WDR26: variants seen among roughly 807,000 people sequenced by gnomAD.
WDR26 encodes the protein WD repeat domain 26.
WDR26 carries 5 observed loss-of-function variants against 84.1 expected under a neutral mutation model. That is an observed-to-expected ratio of 0.06 (90% CI 0.03 to 0.13). The LOEUF (loss-of-function observed/expected upper bound fraction) is 0.13, where lower values mean the gene tolerates loss of function less well. Among genes scored for constraint, WDR26 ranks in the 10% least tolerant of loss-of-function variants. The pLI is 1.00. For missense variants in WDR26, 642 were observed against 974.9 expected, an observed-to-expected ratio of 0.66 and a Z score of 4.55; for synonymous variants, 415 against 389.6, an observed-to-expected ratio of 1.07 and a Z score of -0.77.
chr1:224,387,366 T>C lies in WDR26; in HGVS notation c.*2469A>G, dbSNP rs1209073801. ...GCACAGTCACTGCATGGCAAATGTATGAAACAGACGTTTACAGCAAATAAG... is the reference window on the plus strand; with the variant it reads ...GCACAGTCACTGCATGGCAAATGTACGAAACAGACGTTTACAGCAAATAAG... On this transcript the variant is annotated 3_prime_UTR_variant, in exon 14 of 14. Coordinates refer to ENST00000414423, the MANE Select transcript of WDR26 (RefSeq NM_001379403.1). 1 of 152,562 alleles carries C rather than the reference T, an allele frequency of 6.6e-6. No homozygotes were observed. Among genetic ancestry groups the C allele is most frequent in the Non-Finnish European group, 1.5e-5 (1 of 68,008 alleles). The allele number at this position is 152,562 out of a possible 1,614,324, so 9.5% of individuals were successfully genotyped here. A position where few individuals can be genotyped will look rare whatever the true frequency, so the allele number is the denominator to read the frequency against.
chr1:224,409,542 T>C (rs1186949998), intron 7 of WDR26, among the ~76,000 whole-genome samples: 1 of 152,212 alleles, frequency 6.6e-6, no homozygotes, highest in African/African-American at 2.4e-5. Context: ...AATTGGTGTA[T>C]GCTCTCAAAT....
chr1:224,433,931 G>A lies in WDR26; in HGVS notation c.475C>T (p.Leu159Phe). The A allele has an allele frequency of 1.3e-6, 2 of 1,535,850 alleles. No individual in the cohort carries two copies. Among genetic ancestry groups the A allele is most frequent in the Non-Finnish European group, 1.7e-6 (2 of 1,146,238 alleles). ...GCGGCGGAGGGGGCGGAAGGCAGGA[G>A]CCCATTGGCGTGGGCCAGGTCCCCC... The change falls in exon 1 of 14, where the codon CTC becomes TTC. Residue 159 changes from leucine to phenylalanine, a missense_variant. This residue lies in a region of WDR26 where 291 missense variants were observed against 302.1 expected (regional missense o/e 0.96). Coordinates refer to ENST00000414423, the MANE Select transcript of WDR26 (RefSeq NM_001379403.1).
chr1:224,397,027 A>T (rs1236883438), intron 12 of WDR26, among the ~76,000 whole-genome samples: 1 of 152,238 alleles, frequency 6.6e-6, no homozygotes, highest in Non-Finnish European at 1.5e-5. Flanking sequence ...CCTCATGTGC[A>T]CTTTATGATC....
At position 224,393,532 on chromosome 1, in the gene WDR26, G is replaced by A. The variant is rs148671264; in HGVS notation, c.2260+296C>T. Among the ~76,000 whole-genome samples, 301 of 152,182 alleles carry A rather than the reference G, an allele frequency of 2.0e-3. 2 individuals are homozygous for A. Among genetic ancestry groups the A allele is most frequent in the South Asian group, 0.016 (77 of 4,824 alleles). On this transcript the variant is annotated intron_variant, in intron 13 of 13. Coordinates refer to ENST00000414423, the MANE Select transcript of WDR26 (RefSeq NM_001379403.1). ...CAATATTACGTTTAGGTAGCATGAC[G>A]AAGCAAGATTTTCAGTAACATTTTT...
At chr1:224,392,917 A>T (rs202036905) in intron 13 of WDR26, among the ~76,000 whole-genome samples, 6 of 151,968 alleles carry the variant, frequency 3.9e-5, no homozygotes, top group Non-Finnish European at 5.9e-5. Context: ...AAAAAAAAAA[A>T]TTTAGGTGGG....
At chr1:224,433,061 C>CA (rs1674446355) in intron 1 of WDR26, among the ~76,000 whole-genome samples, 1 of 152,188 alleles carries the variant, frequency 6.6e-6, no homozygotes, top group African/African-American at 2.4e-5. Flanking sequence ...TGTACACACA[C>CA]ACAAGGGCCT....
At chr1:224,420,603 T>C (rs1674032028) in intron 4 of WDR26, among the ~76,000 whole-genome samples, 1 of 152,212 alleles carries the variant, frequency 6.6e-6, no homozygotes, top group African/African-American at 2.4e-5. Flanking sequence ...ATAAAGCATA[T>C]TTCATTTAGA....
At chr1:224,428,297 C>T (rs1674287387) in intron 3 of WDR26, among the ~76,000 whole-genome samples, 1 of 152,080 alleles carries the variant, frequency 6.6e-6, no homozygotes, top group African/African-American at 2.4e-5. Flanking sequence ...TTCTCAAGGG[C>T]GGCCTCCTAG....
rs570123543 is a variant in WDR26 at position 224,432,953 on chromosome 1, G to T, written c.722+731C>A. Among the ~76,000 whole-genome samples, 253 of 152,280 alleles carry T rather than the reference G, an allele frequency of 1.7e-3. 1 individual carries two copies. Among genetic ancestry groups the T allele is most frequent in the Non-Finnish European group, 1.2e-3 (85 of 68,026 alleles). On this transcript the variant is annotated intron_variant, in intron 1 of 13. Transcript: ENST00000414423. Reference sequence around the variant, plus strand: ...ATACAAGGCCACCTAAATTGTATTTGAAAACAAATGGTTCACCAGATCAGA... The same window carrying T: ...ATACAAGGCCACCTAAATTGTATTTTAAAACAAATGGTTCACCAGATCAGA...
chr1:224,429,101 A>G (rs924226337), intron 3 of WDR26, among the ~76,000 whole-genome samples: 1 of 151,914 alleles, frequency 6.6e-6, no homozygotes, highest in Non-Finnish European at 1.5e-5. Context: ...ATCTACACTA[A>G]AAATACAAAA....
chr1:224,397,728 A>T (rs1386678341), intron 12 of WDR26: 1 of 171,668 alleles, frequency 5.8e-6, no homozygotes, highest in African/African-American at 2.4e-5. Context: ...AACCCTTAAA[A>T]ACCATCAGTC....
rs1486695690 is a variant in WDR26, at chr1:224,417,138, ATTATT to A, written c.1319+1117_1319+1121del. 3.9e-5 allele frequency among the ~76,000 whole-genome samples: 6 copies of A among 152,234 alleles called. No individual in the cohort carries two copies. In the East Asian group the frequency reaches 5.8e-4, roughly 15 times the overall value. On this transcript the variant is annotated intron_variant, in intron 6 of 13. Transcript: ENST00000414423. ...AAAGTGGTTTATACACATGTAAAAA[ATTATT>A]TTATATCACAGTAGAGATATGCATA...
rs768949489 is a variant in WDR26 at position 224,388,620 on chromosome 1, CTTTAAA to C, written c.*1209_*1214del. ...TCTGAAAAAACTGAGAAAAAATATT[CTTTAAA>C]TTTATGTATCCCTATATGTCAAAAT... On this transcript the variant is annotated 3_prime_UTR_variant, in exon 14 of 14. Transcript: ENST00000414423. 4 of 152,500 alleles carry C rather than the reference CTTTAAA, an allele frequency of 2.6e-5. No homozygotes were observed. Among genetic ancestry groups the C allele is most frequent in the Non-Finnish European group, 4.4e-5 (3 of 68,004 alleles). The allele number at this position is 152,500 out of a possible 1,614,324, so 9.4% of individuals were successfully genotyped here. A position where few individuals can be genotyped will look rare whatever the true frequency, so the allele number is the denominator to read the frequency against.
intron 7 of WDR26, among the ~76,000 whole-genome samples, chr1:224,409,309 A>T (rs1250616874): frequency 6.6e-6 from 1 of 152,206 alleles, no homozygotes; most frequent in Non-Finnish European, 1.5e-5. Flanking sequence ...TTAACTACAT[A>T]TCAATATAGT....
At chr1:224,420,828 G>A (rs928377861) in intron 4 of WDR26, among the ~76,000 whole-genome samples, 4 of 152,112 alleles carry the variant, frequency 2.6e-5, no homozygotes, top group Admixed American at 2.0e-4. Flanking sequence ...TTGATCTCCT[G>A]ACCTCGTGAT....
Position 224,386,259 on chromosome 1 carries a change from G to A in WDR26, c.*3576C>T, listed in dbSNP as rs1161066318. The stretch of plus-strand genomic sequence containing the variant: ...AATGTGTTGGAGGGCAACCCAAAAG[G>A]ACAGTTGCGAAATTATGAATGAGAA... On this transcript the variant is annotated 3_prime_UTR_variant, in exon 14 of 14. Transcript: ENST00000414423. 1 of 152,540 alleles carries A rather than the reference G, an allele frequency of 6.6e-6. No individual in the cohort carries two copies. The highest frequency in any genetic ancestry group is 1.9e-4 in the East Asian group (1 of 5,200). 9.4% of individuals were successfully genotyped at this position (152,540 alleles called of 1,614,324 possible).
In WDR26 at chr1:224,418,393, G is replaced by T; in HGVS notation, c.1186C>A (p.Leu396Ile). Reference sequence around the variant, plus strand: ...AGAGTCTGTAAACGCCGTGGGGGAAGCATCACTGATGGTGGTAAATAGGCT... The same window carrying T: ...AGAGTCTGTAAACGCCGTGGGGGAATCATCACTGATGGTGGTAAATAGGCT... The change falls in exon 6 of 14, where the codon CTT becomes ATT. Residue 396 changes from leucine to isoleucine, a missense_variant. Physicochemically the swap from Leu to Ile is conservative, Grantham distance 5. Around this residue, in one of 2 missense-constraint regions of WDR26, gnomAD observed 351 missense variants for 672.8 expected, o/e 0.52. Transcript: ENST00000414423. 6.2e-7 allele frequency: 1 copy of T among 1,612,020 alleles called. No individual in the cohort carries two copies. Among genetic ancestry groups the T allele is most frequent in the Non-Finnish European group, 8.5e-7 (1 of 1,179,070 alleles).
At chr1:224,397,048 C>G (rs181414228) in intron 12 of WDR26, among the ~76,000 whole-genome samples, 119 of 152,282 alleles carry the variant, frequency 7.8e-4, no homozygotes, top group African/African-American at 2.7e-3. Context: ...CTCTTATCTA[C>G]CAAGATCAGT....
chr1:224,418,084 G>A (rs1673957718), intron 6 of WDR26, among the ~76,000 whole-genome samples, 176 bp downstream of exon 6: 1 of 152,146 alleles, frequency 6.6e-6, no homozygotes. Flanking sequence ...TGGTTACTAA[G>A]TAAACATACA....
Sources: allele counts gnomAD v4.1 joint callset (sites outside exome capture counted in the v4.1 genomes callset), GRCh38; gene constraint gnomAD v4.1.1; regional missense constraint gnomAD v4.1.1; transcripts MANE v1.5; gene names NCBI Gene and HGNC (gene_info 2026-07-23, HGNC 2026-07-21).